The following RGPD2 variants were observed in gnomAD, a reference collection of about 807,000 sequenced individuals.
RGPD2 encodes RANBP2-like and GRIP domain-containing protein 2.
In RGPD2, 2 loss-of-function variants were observed where a neutral mutation model predicts 36.0. The ratio of observed to expected loss-of-function variants is 0.06; its 90% CI spans 0.02 to 0.17. The LOEUF (loss-of-function observed/expected upper bound fraction) is 0.17, where lower values mean the gene tolerates loss of function less well. RGPD2 is among the 10% of genes least tolerant of loss of function. The pLI is 1.00. For missense variants in RGPD2, 40 were observed against 464.3 expected (o/e 0.09, Z 8.40); for synonymous variants, 19 against 163.8 (o/e 0.12, Z 6.75).
At chr2:87,769,949 C>CA in intron 22 of RGPD2, among the ~76,000 whole-genome samples, 1 of 151,116 alleles carries the variant, frequency 6.6e-6, no homozygotes, top group Non-Finnish European at 1.5e-5. Flanking sequence ...GCCCTTGTGA[C>CA]AAAAATACTA....
the RGPD2 span, among the ~76,000 whole-genome samples, chr2:87,883,702 T>G: frequency 6.6e-6 from 1 of 151,882 alleles, no homozygotes; most frequent in African/African-American, 2.4e-5. Context: ...GGTCAAAAAC[T>G]GTAAAAAGGG....
intron 7 of RGPD2, among the ~76,000 whole-genome samples, chr2:87,805,791 T>G (rs1251330973): frequency 1.3e-5 from 2 of 149,692 alleles, no homozygotes; most frequent in African/African-American, 4.9e-5. Context: ...ACTCGGGAGG[T>G]GGAGCTTGCA....
At chr2:87,832,211 T>G in the RGPD2 span, among the ~76,000 whole-genome samples, 1 of 149,832 alleles carries the variant, frequency 6.7e-6, no homozygotes, top group Admixed American at 6.6e-5. Flanking sequence ...ATAAGAATGA[T>G]GATTAATTGA....
the RGPD2 span, among the ~76,000 whole-genome samples, chr2:87,857,530 G>A: frequency 1.3e-5 from 2 of 151,428 alleles, no homozygotes; most frequent in African/African-American, 4.8e-5. Flanking sequence ...TTTTAGTAGA[G>A]ACGGGGTTTC....
intron 20 of RGPD2, among the ~76,000 whole-genome samples, chr2:87,781,447 GT>G (rs991511013): frequency 8.4e-6 from 1 of 118,450 alleles, no homozygotes; most frequent in Non-Finnish European, 1.8e-5. Flanking sequence ...CAATATCATG[GT>G]TTTTTTTGTT....
the RGPD2 span, among the ~76,000 whole-genome samples, chr2:87,912,850 G>A: frequency 7.8e-6 from 1 of 127,856 alleles, no homozygotes; most frequent in East Asian, 2.3e-4. Context: ...GTTTCTAGGA[G>A]AGAGAAAATT....
the RGPD2 span, among the ~76,000 whole-genome samples, chr2:87,846,579 T>C: frequency 6.6e-6 from 1 of 152,260 alleles, no homozygotes; most frequent in Non-Finnish European, 1.5e-5. Context: ...AATATTCTGA[T>C]GAACATTCCT....
At chr2:87,986,867 C>T in the RGPD2 span, among the ~76,000 whole-genome samples, 685 of 116,566 alleles carry the variant, frequency 5.9e-3, 5 homozygotes, top group African/African-American at 0.021. Context: ...ATGACTACAG[C>T]GAAACTGTCT....
chr2:87,983,422 A>G, the RGPD2 span, among the ~76,000 whole-genome samples: 1 of 120,670 alleles, frequency 8.3e-6, no homozygotes, highest in African/African-American at 3.1e-5. Context: ...AATAGACACA[A>G]ACTCTTAAAA....
chr2:87,978,778 G>A, the RGPD2 span, among the ~76,000 whole-genome samples: 1 of 125,188 alleles, frequency 8.0e-6, no homozygotes. Context: ...AATTAGCCAG[G>A]CATGATGAAG....
the RGPD2 span, among the ~76,000 whole-genome samples, chr2:87,869,057 G>A: frequency 3.0e-3 from 464 of 152,208 alleles, 1 homozygote; most frequent in Non-Finnish European, 5.6e-3. Context: ...TTAATCAATT[G>A]TCCCAACTTT....
At chr2:87,834,817 TG>T in the RGPD2 span, among the ~76,000 whole-genome samples, 38 of 152,034 alleles carry the variant, frequency 2.5e-4, 1 homozygote, top group African/African-American at 8.2e-4. Flanking sequence ...TTTAAAAAAA[TG>T]GTTAAGTGGA....
At chr2:87,978,890 C>T in the RGPD2 span, among the ~76,000 whole-genome samples, 7 of 145,432 alleles carry the variant, frequency 4.8e-5, no homozygotes, top group Non-Finnish European at 7.6e-5. Flanking sequence ...TGCAGTCCGG[C>T]GTAGGCAAAA....
the RGPD2 span, among the ~76,000 whole-genome samples, chr2:87,985,037 T>C: frequency 1.3e-4 from 19 of 147,058 alleles, no homozygotes; most frequent in Admixed American, 8.9e-4. Context: ...GTGATTTTTT[T>C]TCAGAGTGAC....
chr2:87,836,310 A>G, the RGPD2 span, among the ~76,000 whole-genome samples: 1 of 149,490 alleles, frequency 6.7e-6, no homozygotes, highest in Non-Finnish European at 1.5e-5. Context: ...AAAGAAAAAG[A>G]GAGAGAGGGA....
the RGPD2 span, among the ~76,000 whole-genome samples, chr2:87,869,103 C>G: frequency 6.6e-6 from 1 of 151,766 alleles, no homozygotes; most frequent in Admixed American, 6.6e-5. Flanking sequence ...AAATTCTAGT[C>G]TAATCCCAAA....
chr2:87,894,662 C>T, the RGPD2 span, among the ~76,000 whole-genome samples: 1 of 151,454 alleles, frequency 6.6e-6, no homozygotes, highest in Non-Finnish European at 1.5e-5. Flanking sequence ...ATATGCTTTG[C>T]TTTGATGTTT....
chr2:87,892,264 GCATT>G, the RGPD2 span, among the ~76,000 whole-genome samples: 1 of 146,738 alleles, frequency 6.8e-6, no homozygotes, highest in Non-Finnish European at 1.5e-5. Flanking sequence ...CTGTTTTAAG[GCATT>G]TCTTGAGATT....
chr2:87,883,525 G>C, the RGPD2 span, among the ~76,000 whole-genome samples: 1 of 151,810 alleles, frequency 6.6e-6, no homozygotes, highest in Admixed American at 6.6e-5. Context: ...TAGTGTAGCT[G>C]AAGGAATGAA....
Sources: allele counts gnomAD v4.1 joint callset (sites outside exome capture counted in the v4.1 genomes callset), GRCh38; gene constraint gnomAD v4.1.1; transcripts MANE v1.5; gene names NCBI Gene and HGNC (gene_info 2026-07-23, HGNC 2026-07-21).